The following MBNL3 variants were observed in gnomAD, a reference collection of about 807,000 sequenced individuals.
MBNL3 encodes the protein muscleblind-like protein 3.
A neutral mutation model predicts 24.5 loss-of-function variants in MBNL3; 6 were observed. The observed-to-expected ratio is 0.25, with a 90% CI of 0.13 to 0.48. The LOEUF is 0.48. Among genes scored for constraint, MBNL3 ranks in the 20% least tolerant of loss-of-function variants. MBNL3 has a pLI of 0.99. For synonymous variants in MBNL3, 100 were observed against 101.7 expected (o/e 0.98, Z 0.10); for missense variants, 230 against 293.5 (o/e 0.78, Z 1.58).
intron 1 of MBNL3, among the ~76,000 whole-genome samples, chrX:132,476,575 C>T (rs1947450457): frequency 8.9e-6 from 1 of 111,964 alleles, no homozygotes; most frequent in African/African-American, 3.2e-5. Context: ...TTTCCACTTA[C>T]AATAAACAAA....
intron 5 of MBNL3, among the ~76,000 whole-genome samples, chrX:132,389,870 C>T (rs1936805695): frequency 9.0e-6 from 1 of 110,597 alleles, no homozygotes. Context: ...ACTGTTCCCC[C>T]AAAACTGGCT....
At chrX:132,429,100 T>C (rs1944536801) in intron 2 of MBNL3, among the ~76,000 whole-genome samples, 1 of 112,454 alleles carries the variant, frequency 8.9e-6, no homozygotes, top group Admixed American at 9.4e-5. Flanking sequence ...TCTCACCAGA[T>C]GCCCAATTAC....
intron 5 of MBNL3, among the ~76,000 whole-genome samples, chrX:132,390,373 A>G (rs1199568757): frequency 1.8e-5 from 2 of 109,162 alleles, no homozygotes; most frequent in African/African-American, 3.3e-5. Flanking sequence ...CTATGCCTCT[A>G]GAGAGGAAAA....
intron 2 of MBNL3, among the ~76,000 whole-genome samples, chrX:132,438,240 A>G (rs1210769910): frequency 8.9e-6 from 1 of 112,422 alleles, no homozygotes; most frequent in Non-Finnish European, 1.9e-5. Context: ...AATGAATTTC[A>G]TGGTTAGACT....
intron 3 of MBNL3, among the ~76,000 whole-genome samples, chrX:132,402,171 T>C (rs1434615008): frequency 9.0e-6 from 1 of 111,504 alleles, no homozygotes; most frequent in African/African-American, 3.3e-5. Flanking sequence ...TCTATATAAA[T>C]AATCAAATGA....
chrX:132,459,638 T>C (rs1946534514), intron 1 of MBNL3, among the ~76,000 whole-genome samples: 1 of 111,981 alleles, frequency 8.9e-6, no homozygotes, highest in Non-Finnish European at 1.9e-5. Flanking sequence ...AGGCTCTCAG[T>C]CTACTTTTTA....
At chrX:132,399,804 T>TAAA (rs199556571) in intron 3 of MBNL3, among the ~76,000 whole-genome samples, 1 of 91,536 alleles carries the variant, frequency 1.1e-5, no homozygotes, top group African/African-American at 4.0e-5. Flanking sequence ...AACCTGCAGG[T>TAAA]AAAAAAAAAA....
Position 132,488,984 on chromosome X carries a change from C to T in MBNL3, c.-837G>A, listed in dbSNP as rs922757200. On this transcript the variant is annotated 5_prime_UTR_variant, in exon 1 of 9. Transcript: ENST00000370853. ...AAAGCAGCGCTGCGCGAGGTGGCCC[C>T]GGTGCCGGGAGAGCCTTTAGCAGGG... 4.4e-5 allele frequency: 5 copies of T among 113,342 alleles called. No individual in the cohort carries two copies. Among genetic ancestry groups the T allele is most frequent in the Non-Finnish European group, 9.4e-5 (5 of 53,414 alleles). The allele number at this position is 113,342 out of a possible 1,213,427, so 9.3% of individuals were successfully genotyped here.
intron 2 of MBNL3, among the ~76,000 whole-genome samples, chrX:132,434,207 C>T: frequency 8.9e-6 from 1 of 112,317 alleles, no homozygotes; most frequent in South Asian, 3.7e-4. Context: ...TAGGCACACA[C>T]ATATCACATC....
intron 1 of MBNL3, among the ~76,000 whole-genome samples, chrX:132,477,920 C>G (rs1460181252): frequency 9.0e-6 from 1 of 111,617 alleles, no homozygotes; most frequent in Non-Finnish European, 1.9e-5. Flanking sequence ...TTAAAGTGTG[C>G]CTTTGTTCAC....
chrX:132,475,576 AAAG>A (rs1172960378), intron 1 of MBNL3, among the ~76,000 whole-genome samples: 8 of 112,116 alleles, frequency 7.1e-5, no homozygotes, highest in Non-Finnish European at 1.5e-4. Context: ...TAACAAAATG[AAAG>A]TACCTAGCAG....
intron 7 of MBNL3, among the ~76,000 whole-genome samples, chrX:132,382,770 A>G (rs943503636): frequency 3.6e-5 from 4 of 112,165 alleles, no homozygotes; most frequent in Non-Finnish European, 7.5e-5. Context: ...AGGTGCAAAC[A>G]GGCAGTTATA....
intron 1 of MBNL3, among the ~76,000 whole-genome samples, chrX:132,447,933 C>T (rs140061966): frequency 9.8e-5 from 11 of 111,891 alleles, no homozygotes; most frequent in African/African-American, 3.6e-4. Flanking sequence ...CCATGAATAC[C>T]TAGGTTATTG....
At chrX:132,434,428 T>A (rs756814898) in intron 2 of MBNL3, among the ~76,000 whole-genome samples, 1 of 112,446 alleles carries the variant, frequency 8.9e-6, no homozygotes, top group Non-Finnish European at 1.9e-5. Context: ...AATGGCATAT[T>A]GTAGGGGATG....
At chrX:132,438,474 G>A (rs1235047086) in intron 2 of MBNL3, among the ~76,000 whole-genome samples, 5 of 110,574 alleles carry the variant, frequency 4.5e-5, no homozygotes, top group Admixed American at 9.7e-5. Flanking sequence ...TCATGATGAA[G>A]GTAAAACAAT....
At chrX:132,478,211 T>C (rs1480963243) in intron 1 of MBNL3, among the ~76,000 whole-genome samples, 1 of 65,147 alleles carries the variant, frequency 1.5e-5, no homozygotes, top group East Asian at 6.8e-4. Flanking sequence ...GTTGTTGTCG[T>C]TGTTAAACAT....
intron 3 of MBNL3, among the ~76,000 whole-genome samples, chrX:132,405,621 A>T (rs1031822229): frequency 9.0e-5 from 10 of 111,541 alleles, no homozygotes; most frequent in Non-Finnish European, 1.3e-4. Context: ...CACGCCTGTA[A>T]TTCCAGCACT....
intron 3 of MBNL3, among the ~76,000 whole-genome samples, chrX:132,405,950 G>T (rs1474822227): frequency 9.6e-6 from 1 of 104,036 alleles, no homozygotes; most frequent in Non-Finnish European, 2.0e-5. Flanking sequence ...TTGAATTAAT[G>T]TCCTAGAATT....
chrX:132,388,580 C>T (rs745917796), intron 5 of MBNL3, among the ~76,000 whole-genome samples: 8 of 111,767 alleles, frequency 7.2e-5, no homozygotes, highest in South Asian at 3.8e-4. Context: ...AACAGGTAGA[C>T]GCTGGTAAGG....
Sources: gnomAD v4.1 joint callset for allele counts (sites outside exome capture counted in the v4.1 genomes callset) on GRCh38, gnomAD v4.1.1 for gene constraint, MANE v1.5 for transcripts, NCBI Gene and HGNC (gene_info 2026-07-23, HGNC 2026-07-21) for gene names.